The following CPEB1 variants were observed in gnomAD, a reference collection of about 807,000 sequenced individuals.
The protein encoded by CPEB1 is cytoplasmic polyadenylation element-binding protein 1.
In CPEB1, 7 loss-of-function variants were observed where a neutral mutation model predicts 65.8. The observed-to-expected ratio is 0.11, with a 90% CI of 0.06 to 0.20. CPEB1 has a LOEUF of 0.20. CPEB1 is among the 10% of genes least tolerant of loss of function. The pLI, the probability that CPEB1 is intolerant of heterozygous loss-of-function variation, is 1.00. For missense variants in CPEB1, 551 were observed against 712.2 expected (o/e 0.77, Z 2.58); for synonymous variants, 262 against 260.0 (o/e 1.01, Z -0.08).
At chr15:82,551,496 A>G (rs910074376) in intron 9 of CPEB1, among the ~76,000 whole-genome samples, 2 of 152,152 alleles carry the variant, frequency 1.3e-5, no homozygotes, top group African/African-American at 4.8e-5. Context: ...AAGTATAATG[A>G]CATGTATCCA....
At chr15:82,562,775 C>T (rs2038448570) in intron 4 of CPEB1, among the ~76,000 whole-genome samples, 1 of 150,948 alleles carries the variant, frequency 6.6e-6, no homozygotes, top group East Asian at 1.9e-4. Flanking sequence ...GTTGAGGCTG[C>T]AGTGGGCCAT....
At chr15:82,587,805 G>A (rs927226491) in intron 3 of CPEB1, among the ~76,000 whole-genome samples, 2 of 152,178 alleles carry the variant, frequency 1.3e-5, no homozygotes, top group African/African-American at 4.8e-5. Flanking sequence ...ACCTTTCTGG[G>A]ATGCTATCTG....
upstream of CPEB1, chr15:82,648,082 C>T (rs1357267107): frequency 5.3e-6 from 2 of 375,352 alleles, no homozygotes; most frequent in Non-Finnish European, 9.4e-6. Context: ...GCCTCCGCCC[C>T]CTCGCGCCCC....
chr15:82,647,524 C>G (rs1002842677), upstream of CPEB1: 4 of 264,180 alleles, frequency 1.5e-5, no homozygotes, highest in South Asian at 5.1e-4. Flanking sequence ...GGCGCCGGTG[C>G]TCCTTTATGT....
At chr15:82,573,888 G>C (rs962160871) in intron 3 of CPEB1, among the ~76,000 whole-genome samples, 1 of 152,126 alleles carries the variant, frequency 6.6e-6, no homozygotes, top group African/African-American at 2.4e-5. Context: ...GATTGCTTGA[G>C]CCCAGGAGTT....
chr15:82,592,962 A>T (rs939441596), intron 3 of CPEB1, among the ~76,000 whole-genome samples: 6 of 152,166 alleles, frequency 3.9e-5, no homozygotes, highest in Non-Finnish European at 8.8e-5. Flanking sequence ...GCGCTGCTAC[A>T]CTCCATCCTG....
At chr15:82,547,684 A>AT (rs2035501693) in intron 10 of CPEB1, among the ~76,000 whole-genome samples, 1 of 143,650 alleles carries the variant, frequency 7.0e-6, no homozygotes, top group Admixed American at 6.9e-5. Flanking sequence ...AACTTTATTT[A>AT]TTTTTTGAGA....
intron 3 of CPEB1, among the ~76,000 whole-genome samples, chr15:82,585,281 G>T (rs1007328665): frequency 2.0e-5 from 3 of 151,992 alleles, no homozygotes; most frequent in Non-Finnish European, 1.5e-5. Context: ...ACATATCTAC[G>T]TTTGGAAACT....
At chr15:82,578,460 T>C (rs1012098803) in intron 3 of CPEB1, among the ~76,000 whole-genome samples, 2 of 152,162 alleles carry the variant, frequency 1.3e-5, no homozygotes, top group South Asian at 2.1e-4. Context: ...AATGTATATA[T>C]ACAGTGTTGA....
rs2035214791 is a variant in CPEB1 at position 82,546,382 on chromosome 15, A to C, written c.1656+59T>G. The C allele has an allele frequency of 3.5e-6, 5 of 1,408,556 alleles. No individual in the cohort carries two copies. The Admixed American group carries it at 8.4e-5, about 24-fold the overall frequency. 87.3% of individuals were successfully genotyped at this position (1,408,556 alleles called of 1,614,324 possible). On this transcript the variant is annotated intron_variant, in intron 12 of 12. Transcript: ENST00000684509. ...AGTGCTGGGATTACAGGTGTGAACCACCGCGCCCAGCCAACAATTTTTAAT... is the reference window on the plus strand; with the variant it reads ...AGTGCTGGGATTACAGGTGTGAACCCCCGCGCCCAGCCAACAATTTTTAAT...
At chr15:82,604,111 G>A (rs1432492982) in intron 3 of CPEB1, among the ~76,000 whole-genome samples, 1 of 152,178 alleles carries the variant, frequency 6.6e-6, no homozygotes, top group Non-Finnish European at 1.5e-5. Context: ...CACTTTGAGA[G>A]GCCCAGAACG....
At chr15:82,601,038 G>A (rs1296544690) in intron 3 of CPEB1, among the ~76,000 whole-genome samples, 1 of 150,732 alleles carries the variant, frequency 6.6e-6, no homozygotes, top group Non-Finnish European at 1.5e-5. Flanking sequence ...CCGAGTAGCT[G>A]GGATTACAGG....
chr15:82,580,721 C>T (rs2041200129), intron 3 of CPEB1, among the ~76,000 whole-genome samples: 1 of 152,112 alleles, frequency 6.6e-6, no homozygotes, highest in Non-Finnish European at 1.5e-5. Context: ...TTTACTTTGT[C>T]TCTATGAATT....
chr15:82,629,171 T>C, intron 1 of CPEB1: 1 of 655,100 alleles, frequency 1.5e-6, no homozygotes, highest in Non-Finnish European at 1.9e-6. Context: ...ATATCACAGT[T>C]ACTTAACCTC....
At chr15:82,554,602 G>C (rs919562817) in intron 6 of CPEB1, among the ~76,000 whole-genome samples, 8 of 152,126 alleles carry the variant, frequency 5.3e-5, no homozygotes, top group Non-Finnish European at 4.4e-5. Context: ...TGCCAGCATG[G>C]TAACGTAATG....
intron 3 of CPEB1, among the ~76,000 whole-genome samples, chr15:82,625,244 C>G (rs2045657087): frequency 6.6e-6 from 1 of 152,110 alleles, no homozygotes; most frequent in Non-Finnish European, 1.5e-5. Flanking sequence ...GAGAATTGGG[C>G]TAGCTCATGA....
chr15:82,617,674 T>C (rs1425431415), intron 3 of CPEB1, among the ~76,000 whole-genome samples: 2 of 151,608 alleles, frequency 1.3e-5, no homozygotes, highest in Non-Finnish European at 2.9e-5. Flanking sequence ...ACAGGAATTC[T>C]CTATGCTAGC....
intron 3 of CPEB1, among the ~76,000 whole-genome samples, chr15:82,592,283 A>T (rs964552754): frequency 1.3e-5 from 2 of 152,120 alleles, no homozygotes; most frequent in African/African-American, 2.4e-5. Context: ...TTGGTTTCCC[A>T]GTGCACATGG....
intron 3 of CPEB1, among the ~76,000 whole-genome samples, chr15:82,586,518 T>A (rs1353004707): frequency 2.0e-5 from 3 of 152,218 alleles, no homozygotes; most frequent in Admixed American, 1.3e-4. Context: ...ATAAAATAAA[T>A]TTGATCTCTC....
Sources: allele counts gnomAD v4.1 joint callset (sites outside exome capture counted in the v4.1 genomes callset), GRCh38; gene constraint gnomAD v4.1.1; transcripts MANE v1.5; gene names NCBI Gene and HGNC (gene_info 2026-07-23, HGNC 2026-07-21).